The following IVNS1ABP variants were observed in gnomAD, a reference collection of about 807,000 sequenced individuals.
IVNS1ABP encodes influenza virus NS1A binding protein, also known as influenza virus NS1A-binding protein.
IVNS1ABP carries 25 observed loss-of-function variants against 78.9 expected under a neutral mutation model. The ratio of observed to expected loss-of-function variants is 0.32; its 90% CI spans 0.23 to 0.44. IVNS1ABP has a LOEUF of 0.44. Ranked by LOEUF, IVNS1ABP falls within the 20% of genes least tolerant of loss-of-function variation. The pLI, the probability that IVNS1ABP is intolerant of heterozygous loss-of-function variation, is 1.00. For missense variants in IVNS1ABP, 494 were observed against 768.9 expected, an observed-to-expected ratio of 0.64 and a Z score of 4.23; for synonymous variants, 241 against 259.7, an observed-to-expected ratio of 0.93 and a Z score of 0.69.
In IVNS1ABP at chr1:185,299,848, A is replaced by C; in HGVS notation, c.1537T>G (p.Tyr513Asp). Residue 513 changes from tyrosine (Y) to aspartate (D), a missense_variant, in exon 14 of 15, where the codon TAT becomes GAT. Tyr to Asp is a radical substitution (Grantham distance 160, BLOSUM62 -3). Transcript: ENST00000367498. ...HQSAVCELGG[Y>D]LYIIGGAESW... The stretch of plus-strand genomic sequence containing the variant: ...TCTGCACCTCCGATTATGTACAAAT[A>C]ACCACCAAGCTCACAGACTGCAGAC... The C allele has an allele frequency of 6.2e-7, 1 of 1,613,810 alleles. No individual in the cohort carries two copies. Among genetic ancestry groups the C allele is most frequent in the Non-Finnish European group, 8.5e-7 (1 of 1,179,830 alleles).
chr1:185,304,269 G>A (rs1046487922), intron 8 of IVNS1ABP, among the ~76,000 whole-genome samples: 1 of 152,008 alleles, frequency 6.6e-6, no homozygotes, highest in Non-Finnish European at 1.5e-5. Flanking sequence ...TTGCCATACC[G>A]AACATTATGG....
At chr1:185,312,486 A>G (rs2102823455) in intron 1 of IVNS1ABP, among the ~76,000 whole-genome samples, 1 of 152,342 alleles carries the variant, frequency 6.6e-6, no homozygotes, top group East Asian at 1.9e-4. Context: ...ATCACTTACC[A>G]CAGGACTCCA....
chr1:185,308,047 A>T, intron 5 of IVNS1ABP: 2 of 1,545,038 alleles, frequency 1.3e-6, no homozygotes, highest in Non-Finnish European at 1.7e-6. Flanking sequence ...GTTGGAGAAA[A>T]GATAACTAGG....
chr1:185,312,094 A>G (rs2102823113), intron 1 of IVNS1ABP, among the ~76,000 whole-genome samples: 1 of 152,384 alleles, frequency 6.6e-6, no homozygotes, highest in East Asian at 1.9e-4. Context: ...TTGAACATAA[A>G]GATGAGTAAT....
intron 8 of IVNS1ABP, among the ~76,000 whole-genome samples, chr1:185,304,274 T>C (rs776520042): frequency 6.6e-6 from 1 of 152,124 alleles, no homozygotes; most frequent in Non-Finnish European, 1.5e-5. Context: ...ATACCGAACA[T>C]TATGGCCTGC....
chr1:185,317,182 G>T lies in IVNS1ABP; in HGVS notation c.-476C>A, dbSNP rs1028066396. 1.3e-5 allele frequency: 5 copies of T among 398,110 alleles called. No homozygotes were observed. Among genetic ancestry groups the T allele is most frequent in the Non-Finnish European group, 2.2e-5 (5 of 226,016 alleles). The allele number at this position is 398,110 out of a possible 1,614,324, so 24.7% of individuals were successfully genotyped here. On this transcript the variant is annotated 5_prime_UTR_variant, in exon 1 of 15. The change creates a new upstream start codon in the 5' untranslated region. Transcript: ENST00000367498. ...CCGATACAGCCGCGCCGAAGCAGCAGGCGGAGAAACTGCGCCCAGCAGCTC... is the reference window on the plus strand; with the variant it reads ...CCGATACAGCCGCGCCGAAGCAGCATGCGGAGAAACTGCGCCCAGCAGCTC...
At position 185,298,173 on chromosome 1, in the gene IVNS1ABP, G is replaced by A. The variant is rs755356821; in HGVS notation, c.1791C>T (p.Ser597=). ...TCCCTACAGTTGCAATCCCAGCATT[G>A]CTCCTTGGTGAAGTCATATTTCCCA... ...KMMGNMTSPR[S]NAGIATVGNT... Residue 597 remains serine (S), a synonymous_variant, in exon 15 of 15, where the codon AGC becomes AGT. Transcript: ENST00000367498. The surrounding 1 kb of genome is among the most constrained non-coding windows in gnomAD (Gnocchi z 4.1). 6.2e-7 allele frequency: 1 copy of A among 1,613,676 alleles called. No individual in the cohort carries two copies. The highest frequency in any genetic ancestry group is 8.5e-7 in the Non-Finnish European group (1 of 1,179,814).
intron 1 of IVNS1ABP, among the ~76,000 whole-genome samples, chr1:185,312,832 C>T (rs1356222132): frequency 6.6e-6 from 1 of 152,174 alleles, no homozygotes; most frequent in Non-Finnish European, 1.5e-5. Flanking sequence ...CAAGACCTGG[C>T]TCAAACTAAG....
intron 5 of IVNS1ABP, chr1:185,308,131 TAAGG>T (rs1665789046): frequency 1.5e-6 from 2 of 1,313,226 alleles, no homozygotes; most frequent in East Asian, 5.2e-5. Context: ...TACTGTAAAT[TAAGG>T]AAGGATTTTT....
At position 185,309,035 on chromosome 1, in the gene IVNS1ABP, A is replaced by C. The variant is rs746416739; in HGVS notation, c.249T>G (p.Val83=). 1.9e-6 allele frequency: 3 copies of C among 1,612,484 alleles called. No homozygotes were observed. The highest frequency in any genetic ancestry group is 2.5e-6 in the Non-Finnish European group (3 of 1,179,298). ...VKFDDLNPEA[V]EVLLNYAYTA... Reference sequence around the variant, plus strand: ...TGTAGGCATAATTCAACAAGACTTCAACAGCTTCTGGATTGAGATCATCAA... The same window carrying C: ...TGTAGGCATAATTCAACAAGACTTCCACAGCTTCTGGATTGAGATCATCAA... Residue 83 remains valine (V), a synonymous_variant, in exon 4 of 15, where the codon GTT becomes GTG. Transcript: ENST00000367498.
At position 185,305,670 on chromosome 1, in the gene IVNS1ABP, G is replaced by A; in HGVS notation, c.658-27C>T. 1 of 1,611,884 alleles carries A rather than the reference G, an allele frequency of 6.2e-7. No homozygotes were observed. The highest frequency in any genetic ancestry group is 8.5e-7 in the Non-Finnish European group (1 of 1,178,888). ...TGCAAAACAGCAACAGAACACCCAT[G>A]TGGCTACGGTCACCATGGCTACTCC... On this transcript the variant is annotated intron_variant, in intron 7 of 14. Coordinates refer to ENST00000367498, the MANE Select transcript of IVNS1ABP (RefSeq NM_006469.5). The surrounding 1 kb of genome is among the most constrained non-coding windows in gnomAD (Gnocchi z 4.0).
chr1:185,302,060 T>C (rs192700763), intron 8 of IVNS1ABP, among the ~76,000 whole-genome samples: 65 of 152,244 alleles, frequency 4.3e-4, no homozygotes, highest in African/African-American at 1.4e-3. Flanking sequence ...CTGAAAGTAC[T>C]TGACAGGAAA....
intron 8 of IVNS1ABP, among the ~76,000 whole-genome samples, chr1:185,302,490 G>A (rs1026527842): frequency 1.3e-5 from 2 of 152,138 alleles, no homozygotes; most frequent in Non-Finnish European, 2.9e-5. Context: ...TGCTGGTCCA[G>A]ATGGCCAGAA....
intron 5 of IVNS1ABP, chr1:185,307,869 G>C (rs1665779948): frequency 7.0e-7 from 1 of 1,426,380 alleles, no homozygotes; most frequent in South Asian, 1.4e-5. Context: ...AGTTTAAGGA[G>C]AGGTACAACA....
intron 2 of IVNS1ABP, 121 bp from the exon 3 acceptor site, chr1:185,309,632 A>C: frequency 4.9e-6 from 3 of 607,322 alleles, no homozygotes; most frequent in Middle Eastern, 4.5e-4. Context: ...ACACATAAAA[A>C]TTTCATCACA....
chr1:185,308,040 GGA>G, intron 5 of IVNS1ABP: 1 of 1,545,908 alleles, frequency 6.5e-7, no homozygotes, highest in Non-Finnish European at 8.7e-7. Context: ...TAATTTGGTT[GGA>G]GAAAAGATAA....
rs75741855 is a variant in IVNS1ABP at position 185,299,857 on chromosome 1, G to A, written c.1528C>T (p.Leu510Phe). The A allele has an allele frequency of 5.7e-4, 921 of 1,613,454 alleles. 4 individuals are homozygous for A. In the African/African-American group the frequency reaches 0.011, roughly 20 times the overall value. ...IRRHQSAVCE[L>F]GGYLYIIGGA... ...CCGATTATGTACAAATAACCACCAA[G>A]CTCACAGACTGCAGACTGGTGTCTC... Residue 510 changes from leucine (L) to phenylalanine (F), a missense_variant, in exon 14 of 15, where the codon CTT (leucine) becomes TTT (phenylalanine). Transcript: ENST00000367498.
At chr1:185,307,755 A>G in intron 5 of IVNS1ABP, 93 bp from the exon 6 acceptor site, 6 of 1,336,076 alleles carry the variant, frequency 4.5e-6, no homozygotes, top group Non-Finnish European at 6.2e-6. Context: ...GTGAAGATAC[A>G]AAGAATCAAA....
chr1:185,299,861 A>G lies in IVNS1ABP; in HGVS notation c.1524T>C (p.Cys508=). Residue 508 remains cysteine (C), a synonymous_variant, in exon 14 of 15, where the codon TGT becomes TGC. Coordinates refer to ENST00000367498, the MANE Select transcript of IVNS1ABP (RefSeq NM_006469.5). ...LNIRRHQSAV[C]ELGGYLYIIG... ...TTATGTACAAATAACCACCAAGCTCACAGACTGCAGACTGGTGTCTCCCTA... is the reference window on the plus strand; with the variant it reads ...TTATGTACAAATAACCACCAAGCTCGCAGACTGCAGACTGGTGTCTCCCTA... The G allele has an allele frequency of 1.9e-6, 3 of 1,613,436 alleles. No homozygotes were observed. Among genetic ancestry groups the G allele is most frequent in the East Asian group, 2.2e-5 (1 of 44,854 alleles).
Sources: gnomAD v4.1 joint callset for allele counts (sites outside exome capture counted in the v4.1 genomes callset) on GRCh38, gnomAD v4.1.1 for gene constraint, Gnocchi (gnomAD v3.1) non-coding constraint, MANE v1.5 for transcripts, NCBI Gene and HGNC (gene_info 2026-07-23, HGNC 2026-07-21) for gene names.